CYB5A: variants seen among roughly 807,000 people sequenced by gnomAD.
CYB5A encodes cytochrome b5 type A.
A neutral mutation model predicts 16.2 loss-of-function variants in CYB5A; 10 were observed. That is an observed-to-expected ratio of 0.62 (90% CI 0.38 to 1.04). CYB5A has a LOEUF of 1.04. Among genes scored for constraint, CYB5A ranks in the 50% least tolerant of loss-of-function variants. The probability of loss-of-function intolerance (pLI) is 0.01; values close to 1 mark genes in which losing one functional copy is unlikely to be tolerated. For missense variants in CYB5A, 161 were observed against 165.9 expected, an observed-to-expected ratio of 0.97 and a Z score of 0.16; for synonymous variants, 62 against 57.0, an observed-to-expected ratio of 1.09 and a Z score of -0.40.
Position 74,290,963 on chromosome 18 carries a change from C to T in CYB5A, c.129+784G>A, listed in dbSNP as rs552396806. On this transcript the variant is annotated intron_variant, in intron 1 of 4. Transcript: ENST00000340533. ...CTGGCCTCTGTGTTCTTGCTCCAGCCACACACCGCGGTCTCAGGAGTCAAG... is the reference window on the plus strand; with the variant it reads ...CTGGCCTCTGTGTTCTTGCTCCAGCTACACACCGCGGTCTCAGGAGTCAAG... 107 of 153,914 alleles carry T rather than the reference C, an allele frequency of 7.0e-4. 1 individual carries two copies. The highest frequency in any genetic ancestry group is 2.5e-3 in the African/African-American group (104 of 41,612). The allele number at this position is 153,914 out of a possible 1,614,324, so 9.5% of individuals were successfully genotyped here.
At chr18:74,283,998 C>T (rs1457637496) in intron 1 of CYB5A, among the ~76,000 whole-genome samples, 2 of 151,692 alleles carry the variant, frequency 1.3e-5, no homozygotes, top group East Asian at 1.9e-4. Flanking sequence ...TTTGGGAGGC[C>T]GAGGCGAGTG....
At chr18:74,269,005 C>T (rs1312783436) in intron 1 of CYB5A, among the ~76,000 whole-genome samples, 1 of 152,156 alleles carries the variant, frequency 6.6e-6, no homozygotes, top group Non-Finnish European at 1.5e-5. Flanking sequence ...ATGGCTTTTG[C>T]TTTTTGCATC....
chr18:74,267,529 T>C (rs1982490364), intron 1 of CYB5A, among the ~76,000 whole-genome samples: 2 of 152,214 alleles, frequency 1.3e-5, no homozygotes. Context: ...CTGGTGTTTA[T>C]GCCATCGTGG....
chr18:74,256,743 C>T (rs1981998295), intron 3 of CYB5A: 4 of 1,243,144 alleles, frequency 3.2e-6, no homozygotes, highest in Non-Finnish European at 3.5e-6. Flanking sequence ...GCAAGCATCA[C>T]TCTGCAAAGC....
chr18:74,270,780 T>C (rs897649998), intron 1 of CYB5A, among the ~76,000 whole-genome samples: 1 of 152,190 alleles, frequency 6.6e-6, no homozygotes, highest in Non-Finnish European at 1.5e-5. Context: ...ATCAGGGACT[T>C]GAGCACCTTC....
At chr18:74,264,616 C>T (rs1021097316) in intron 1 of CYB5A, among the ~76,000 whole-genome samples, 1 of 152,176 alleles carries the variant, frequency 6.6e-6, no homozygotes, top group Admixed American at 6.5e-5. Flanking sequence ...CAAAACAAAA[C>T]AAGTAACTTG....
At chr18:74,272,298 G>A (rs932885262) in intron 1 of CYB5A, among the ~76,000 whole-genome samples, 2 of 152,302 alleles carry the variant, frequency 1.3e-5, no homozygotes, top group Middle Eastern at 6.8e-3. Context: ...GTGTGGTCCT[G>A]CTCCAGCCAA....
intron 1 of CYB5A, among the ~76,000 whole-genome samples, chr18:74,271,828 C>T (rs1403169685): frequency 3.3e-5 from 5 of 152,214 alleles, no homozygotes; most frequent in African/African-American, 1.2e-4. Context: ...CTACTGTCAA[C>T]TGACTCATGC....
intron 1 of CYB5A, among the ~76,000 whole-genome samples, chr18:74,269,347 C>A (rs902078352): frequency 6.6e-6 from 1 of 152,180 alleles, no homozygotes; most frequent in Non-Finnish European, 1.5e-5. Context: ...GTCTCCTGAT[C>A]GTCTACGTGT....
At position 74,291,955 on chromosome 18, in the gene CYB5A, G is replaced by A. The variant is rs1390913866; in HGVS notation, c.-80C>T. The A allele has an allele frequency of 1.3e-6, 2 of 1,596,932 alleles. No homozygotes were observed. Among genetic ancestry groups the A allele is most frequent in the South Asian group, 1.1e-5 (1 of 90,748 alleles). On this transcript the variant is annotated 5_prime_UTR_variant, in exon 1 of 5. Coordinates refer to ENST00000340533, the MANE Select transcript of CYB5A (RefSeq NM_148923.4). ...GCGCGCGACTCAGCCAGCTCCACCCGGGACATTCCCCGCGCCGGGAACCCC... is the reference window on the plus strand; with the variant it reads ...GCGCGCGACTCAGCCAGCTCCACCCAGGACATTCCCCGCGCCGGGAACCCC...
chr18:74,267,392 G>A (rs1253940660), intron 1 of CYB5A, among the ~76,000 whole-genome samples: 1 of 152,158 alleles, frequency 6.6e-6, no homozygotes, highest in Non-Finnish European at 1.5e-5. Flanking sequence ...CCTGACCTCA[G>A]GTAATCCACC....
intron 4 of CYB5A, 88 bp from the exon 5 acceptor site, chr18:74,253,753 G>A (rs912592122): frequency 1.1e-6 from 1 of 912,286 alleles, no homozygotes; most frequent in Admixed American, 1.9e-5. Context: ...AAAATTACCA[G>A]GGCATGTTTT....
intron 1 of CYB5A, among the ~76,000 whole-genome samples, chr18:74,264,254 T>C (rs1362781766): frequency 2.0e-5 from 3 of 150,648 alleles, no homozygotes; most frequent in African/African-American, 7.3e-5. Context: ...AACCTTTCAC[T>C]AACAACATAA....
chr18:74,275,885 C>A (rs1982852480), intron 1 of CYB5A, among the ~76,000 whole-genome samples: 1 of 152,132 alleles, frequency 6.6e-6, no homozygotes, highest in South Asian at 2.1e-4. Flanking sequence ...GCTGGAGGAG[C>A]CGTCGCCACA....
intron 1 of CYB5A, among the ~76,000 whole-genome samples, chr18:74,290,713 G>T (rs1983499214): frequency 6.6e-6 from 1 of 152,192 alleles, no homozygotes; most frequent in Non-Finnish European, 1.5e-5. Flanking sequence ...GGGAGGGGGC[G>T]TGAGCATGCG....
intron 1 of CYB5A, among the ~76,000 whole-genome samples, chr18:74,265,694 C>T (rs778767350): frequency 9.2e-5 from 14 of 152,216 alleles, no homozygotes; most frequent in Non-Finnish European, 1.6e-4. Flanking sequence ...ATCATCTGCT[C>T]GGCCTCTGGT....
intron 1 of CYB5A, among the ~76,000 whole-genome samples, chr18:74,267,588 G>C (rs1982492914): frequency 6.6e-6 from 1 of 152,150 alleles, no homozygotes; most frequent in African/African-American, 2.4e-5. Context: ...CCTAACCTTT[G>C]GGCAGGTTAT....
intron 1 of CYB5A, among the ~76,000 whole-genome samples, chr18:74,284,042 G>A (rs1983221833): frequency 1.3e-5 from 2 of 152,088 alleles, no homozygotes; most frequent in Non-Finnish European, 2.9e-5. Flanking sequence ...AGACCAACCT[G>A]ACCAACATGG....
intron 4 of CYB5A, among the ~76,000 whole-genome samples, chr18:74,255,315 C>T (rs1157879787): frequency 2.0e-5 from 3 of 152,154 alleles, no homozygotes; most frequent in Non-Finnish European, 4.4e-5. Context: ...TTACCAGCTT[C>T]AACTTTAAAG....
Sources: gnomAD v4.1 joint callset for allele counts (sites outside exome capture counted in the v4.1 genomes callset) on GRCh38, gnomAD v4.1.1 for gene constraint, MANE v1.5 for transcripts, NCBI Gene and HGNC (gene_info 2026-07-23, HGNC 2026-07-21) for gene names.